Variants in MAGI2 observed in about 807,000 individuals in gnomAD.
MAGI2 encodes the protein membrane associated guanylate kinase, WW and PDZ domain containing 2.
MAGI2 carries 35 observed loss-of-function variants against 133.3 expected under a neutral mutation model. The ratio of observed to expected loss-of-function variants is 0.26; its 90% CI spans 0.20 to 0.35. The LOEUF (loss-of-function observed/expected upper bound fraction) is 0.35, where lower values mean the gene tolerates loss of function less well. MAGI2 is among the 10% of genes least tolerant of loss of function. The pLI is 1.00. For missense variants in MAGI2, 1,636 were observed against 1,863.4 expected, an observed-to-expected ratio of 0.88 and a Z score of 2.25; for synonymous variants, 729 against 710.6, an observed-to-expected ratio of 1.03 and a Z score of -0.41.
intron 1 of MAGI2, among the ~76,000 whole-genome samples, chr7:79,124,516 T>A (rs543616973): frequency 6.6e-6 from 1 of 152,300 alleles, no homozygotes; most frequent in African/African-American, 2.4e-5. Context: ...GCGCTGTCAA[T>A]CATGGAGTTA....
At chr7:78,416,457 G>A (rs1442110551) in intron 6 of MAGI2, among the ~76,000 whole-genome samples, 2 of 152,150 alleles carry the variant, frequency 1.3e-5, no homozygotes, top group East Asian at 1.9e-4. Flanking sequence ...TTATTCATAT[G>A]AAATGATTGT....
intron 2 of MAGI2, among the ~76,000 whole-genome samples, chr7:78,812,829 T>C (rs1305297773): frequency 1.3e-5 from 2 of 152,190 alleles, no homozygotes; most frequent in African/African-American, 4.8e-5. Flanking sequence ...AGCCCATTGC[T>C]TGGATGTGGT....
intron 2 of MAGI2, among the ~76,000 whole-genome samples, chr7:78,710,162 T>A (rs1819038183): frequency 6.6e-6 from 1 of 152,192 alleles, no homozygotes; most frequent in Admixed American, 6.5e-5. Context: ...ACATATTACA[T>A]TATTTAATCC....
intron 1 of MAGI2, among the ~76,000 whole-genome samples, chr7:79,437,014 C>G (rs1848190574): frequency 6.6e-6 from 1 of 152,108 alleles, no homozygotes; most frequent in African/African-American, 2.4e-5. Context: ...ACTATGCAGC[C>G]ATGAAAATAA....
intron 9 of MAGI2, among the ~76,000 whole-genome samples, chr7:78,260,481 T>G (rs1297271622): frequency 1.3e-5 from 2 of 152,118 alleles, no homozygotes; most frequent in African/African-American, 4.8e-5. Flanking sequence ...TAAAAATATC[T>G]CTTACATTTC....
At chr7:78,530,405 T>A (rs1797361955) in intron 3 of MAGI2, among the ~76,000 whole-genome samples, 1 of 152,226 alleles carries the variant, frequency 6.6e-6, no homozygotes, top group South Asian at 2.1e-4. Context: ...TTTAACTTTA[T>A]TATTAAGATA....
At chr7:79,135,008 G>A (rs964642956) in intron 1 of MAGI2, among the ~76,000 whole-genome samples, 4 of 152,148 alleles carry the variant, frequency 2.6e-5, no homozygotes, top group African/African-American at 9.7e-5. Flanking sequence ...AAGAATAGAT[G>A]ACAAAGAGTG....
At chr7:79,238,300 AAT>A (rs1217778991) in intron 1 of MAGI2, among the ~76,000 whole-genome samples, 1 of 151,904 alleles carries the variant, frequency 6.6e-6, no homozygotes. Flanking sequence ...TCCTTCATCA[AAT>A]ATATCTTCCT....
chr7:78,745,718 T>G (rs1190013387), intron 2 of MAGI2, among the ~76,000 whole-genome samples: 1 of 152,120 alleles, frequency 6.6e-6, no homozygotes, highest in African/African-American at 2.4e-5. Flanking sequence ...AGATATCACT[T>G]CTTATCTTAT....
intron 1 of MAGI2, among the ~76,000 whole-genome samples, chr7:79,155,807 C>A (rs1269431978): frequency 6.6e-6 from 1 of 152,050 alleles, no homozygotes; most frequent in Non-Finnish European, 1.5e-5. Flanking sequence ...GGCATGGGGT[C>A]AAGTCAGAAG....
chr7:78,330,109 A>G (rs909926027), intron 9 of MAGI2, among the ~76,000 whole-genome samples: 169 of 152,278 alleles, frequency 1.1e-3, no homozygotes, highest in African/African-American at 3.6e-3. Flanking sequence ...AGTCTTATGG[A>G]GATTCATAAT....
At chr7:79,274,475 T>G (rs1835093744) in intron 1 of MAGI2, among the ~76,000 whole-genome samples, 1 of 152,010 alleles carries the variant, frequency 6.6e-6, no homozygotes, top group Admixed American at 6.6e-5. Context: ...TTTAAGCACA[T>G]GGTTTTCCGT....
chr7:78,442,086 C>G (rs1284066243), intron 6 of MAGI2, among the ~76,000 whole-genome samples: 1 of 152,164 alleles, frequency 6.6e-6, no homozygotes, highest in Admixed American at 6.6e-5. Context: ...TGAGCCTTTG[C>G]TACACAAACT....
intron 2 of MAGI2, among the ~76,000 whole-genome samples, chr7:78,993,303 CAATT>C (rs771037190): frequency 1.3e-5 from 2 of 151,880 alleles, no homozygotes; most frequent in African/African-American, 4.8e-5. Context: ...AATCTGATAA[CAATT>C]ATTTATGTTG....
intron 21 of MAGI2, among the ~76,000 whole-genome samples, chr7:78,063,967 C>T (rs1248072127): frequency 2.0e-5 from 3 of 152,122 alleles, no homozygotes; most frequent in African/African-American, 7.2e-5. Flanking sequence ...TGAACTGAAA[C>T]CACAAAGAGC....
At chr7:78,967,765 G>A (rs934150466) in intron 2 of MAGI2, among the ~76,000 whole-genome samples, 1 of 151,862 alleles carries the variant, frequency 6.6e-6, no homozygotes, top group East Asian at 1.9e-4. Flanking sequence ...ATATACGCAT[G>A]GCTTATTTCT....
intron 3 of MAGI2, among the ~76,000 whole-genome samples, chr7:78,556,123 A>T (rs765124650): frequency 6.6e-6 from 1 of 152,204 alleles, no homozygotes. Context: ...ATATATATAT[A>T]TGATAGCTTA....
chr7:78,954,824 G>A (rs937604566), intron 2 of MAGI2, among the ~76,000 whole-genome samples: 1 of 152,008 alleles, frequency 6.6e-6, no homozygotes, highest in East Asian at 1.9e-4. Flanking sequence ...AGCATAAAAT[G>A]ATTTTATTCT....
chr7:78,849,987 A>G (rs1267054716), intron 2 of MAGI2, among the ~76,000 whole-genome samples: 3 of 152,106 alleles, frequency 2.0e-5, no homozygotes, highest in Non-Finnish European at 2.9e-5. Flanking sequence ...ATTTATGTTT[A>G]GTGCCTGACC....
Sources: gnomAD v4.1 joint callset for allele counts (sites outside exome capture counted in the v4.1 genomes callset) on GRCh38, gnomAD v4.1.1 for gene constraint, MANE v1.5 for transcripts, NCBI Gene and HGNC (gene_info 2026-07-23, HGNC 2026-07-21) for gene names.